Variants in HHATL observed in about 807,000 individuals in gnomAD.
HHATL encodes protein-cysteine N-palmitoyltransferase HHAT-like protein.
Under a neutral mutation model 59.7 loss-of-function variants are expected in HHATL, and 49 were observed. That is an observed-to-expected ratio of 0.82 (90% CI 0.65 to 1.04). HHATL has a LOEUF of 1.04. Ranked by LOEUF, HHATL falls within the 50% of genes least tolerant of loss-of-function variation. The pLI, the probability that HHATL is intolerant of heterozygous loss-of-function variation, is 0.00. For missense variants in HHATL, 605 were observed against 650.8 expected (o/e 0.93, Z 0.77); for synonymous variants, 238 against 257.3 (o/e 0.93, Z 0.72).
rs577372894 is a variant in HHATL at position 42,697,405 on chromosome 3, G to A, written c.865+103C>T. The A allele has an allele frequency of 3.1e-5, 42 of 1,334,514 alleles. No homozygotes were observed. In the South Asian group the frequency reaches 5.7e-4, roughly 18 times the overall value. The allele number at this position is 1,334,514 out of a possible 1,614,324, so 82.7% of individuals were successfully genotyped here. A position where few individuals can be genotyped will look rare whatever the true frequency, so the allele number is the denominator to read the frequency against. ...CTGCTCCCACGCCCTCAGGTGCTGT[G>A]CCCTGCGTGCCTCAGCTCCCCTGAC... is the stretch of plus-strand genomic sequence containing the variant. On this transcript the variant is annotated intron_variant, in intron 7 of 11. Coordinates refer to ENST00000441594, the MANE Select transcript of HHATL (RefSeq NM_020707.4).
intron 3 of HHATL, among the ~76,000 whole-genome samples, chr3:42,699,503 T>G (rs1697838342): frequency 6.6e-6 from 1 of 152,084 alleles, no homozygotes. Flanking sequence ...CTGCTTTGTT[T>G]CTGGGAAGGA....
chr3:42,692,814 C>G lies in HHATL; in HGVS notation c.1452G>C (p.Lys484Asn), dbSNP rs1170729593. ...CCAGTGCCAAGGTTCGCTCACGCTC[C>G]TTTACCAGCTGGACGCCACAGTAGG... ...FVTYCGVQLV[K>N]ERERTLALEE... Residue 484 changes from lysine (K) to asparagine (N), a missense_variant, in exon 12 of 12, where the codon AAG becomes AAC. Transcript: ENST00000441594. 5 of 1,614,144 alleles carry G rather than the reference C, an allele frequency of 3.1e-6. No homozygotes were observed. Among genetic ancestry groups the G allele is most frequent in the Non-Finnish European group, 3.4e-6 (4 of 1,180,060 alleles).
In HHATL at chr3:42,702,637, T is replaced by G. The variant is rs1698057478; in HGVS notation, c.-72A>C. ...CCCACCTCAGGCTCTGGGGTCCGGCTTCCAACTGTCCGTCCGTGCGACCGG... is the reference window on the plus strand; with the variant it reads ...CCCACCTCAGGCTCTGGGGTCCGGCGTCCAACTGTCCGTCCGTGCGACCGG... On this transcript the variant is annotated 5_prime_UTR_variant, in exon 1 of 12. Coordinates refer to ENST00000441594, the MANE Select transcript of HHATL (RefSeq NM_020707.4). 6.5e-6 allele frequency: 1 copy of G among 152,696 alleles called. No individual in the cohort carries two copies. Among genetic ancestry groups the G allele is most frequent in the Admixed American group, 6.5e-5 (1 of 15,298 alleles). The allele number at this position is 152,696 out of a possible 1,614,324, so 9.5% of individuals were successfully genotyped here. A position where few individuals can be genotyped will look rare whatever the true frequency, so the allele number is the denominator to read the frequency against.
chr3:42,698,183 A>C lies in HHATL; in HGVS notation c.652T>G (p.Phe218Val). The C allele has an allele frequency of 6.8e-6, 11 of 1,614,212 alleles. No homozygotes were observed. Among genetic ancestry groups the C allele is most frequent in the Admixed American group, 1.7e-5 (1 of 60,024 alleles). Residue 218 changes from phenylalanine to valine, a missense_variant, in exon 6 of 12, where the codon TTC (phenylalanine) becomes GTC (valine). Physicochemically the swap from Phe to Val is conservative, Grantham distance 50 (BLOSUM62 -1). Coordinates refer to ENST00000441594, the MANE Select transcript of HHATL (RefSeq NM_020707.4). ...LKYNFYLPFF[F>V]FGPIMTFDRF... ...TCAAAGGTCATGATGGGCCCGAAGA[A>C]GAAGAAGGGCAGGTAGAAGTTGTAC...
intron 2 of HHATL, 66 bp downstream of exon 2, chr3:42,700,655 G>A (rs1697924563): frequency 9.2e-7 from 1 of 1,091,208 alleles, no homozygotes; most frequent in Non-Finnish European, 1.4e-6. Flanking sequence ...GGCTTTGCTG[G>A]TTGGAACCCT....
intron 4 of HHATL, 58 bp downstream of exon 4, chr3:42,698,974 C>A (rs1697794020): frequency 1.2e-6 from 2 of 1,611,232 alleles, no homozygotes; most frequent in Admixed American, 3.3e-5. Context: ...GTTCCCACAA[C>A]CCTTGTGGTG....
chr3:42,698,992 A>G lies in HHATL; in HGVS notation c.288+40T>C, dbSNP rs1217268801. 4 of 1,611,828 alleles carry G rather than the reference A, an allele frequency of 2.5e-6. No homozygotes were observed. The African/African-American group carries it at 5.3e-5, about 22-fold the overall frequency. The stretch of plus-strand genomic sequence containing the variant: ...CCCACAACCCTTGTGGTGAAAGAGG[A>G]GCTGGCAGGGAGAGGCTGGGTGGCC... On this transcript the variant is annotated intron_variant, in intron 4 of 11. Coordinates refer to ENST00000441594, the MANE Select transcript of HHATL (RefSeq NM_020707.4).
chr3:42,699,467 G>A (rs755877182), intron 3 of HHATL, among the ~76,000 whole-genome samples: 5 of 151,998 alleles, frequency 3.3e-5, no homozygotes, highest in Non-Finnish European at 7.4e-5. Context: ...CCTCTCCTCC[G>A]CACGTTGCCT....
In HHATL at chr3:42,693,725, A is replaced by G; in HGVS notation, c.1140T>C (p.Leu380=). The G allele has an allele frequency of 6.2e-7, 1 of 1,614,196 alleles. No homozygotes were observed. The highest frequency in any genetic ancestry group is 8.5e-7 in the Non-Finnish European group (1 of 1,180,008). ...ACAGGTAGACAATGTCACAAGGCCC[A>G]AGCCACAGTGTGGTGATGGCAAATG... The part of the protein sequence containing the change: ...VATFAITTLW[L]GPCDIVYLWS... Residue 380 remains leucine, a synonymous_variant, in exon 10 of 12, where the codon CTT becomes CTC. Transcript: ENST00000441594.
At position 42,693,740 on chromosome 3, in the gene HHATL, G is replaced by A; in HGVS notation, c.1125C>T (p.Ile375=). The A allele has an allele frequency of 6.2e-7, 1 of 1,614,176 alleles. No individual in the cohort carries two copies. Among genetic ancestry groups the A allele is most frequent in the East Asian group, 2.2e-5 (1 of 44,878 alleles). Residue 375 remains isoleucine, a synonymous_variant, in exon 10 of 12, where the codon ATC becomes ATT. Transcript: ENST00000441594. The stretch of plus-strand genomic sequence containing the variant: ...CACAAGGCCCAAGCCACAGTGTGGT[G>A]ATGGCAAATGTGGCCACTGTGGCTG... ...ELAATVATFA[I]TTLWLGPCDI...
intron 9 of HHATL, among the ~76,000 whole-genome samples, chr3:42,696,542 G>T (rs1353326841): frequency 6.6e-6 from 1 of 152,114 alleles, no homozygotes; most frequent in Non-Finnish European, 1.5e-5. Flanking sequence ...CTCCCAGGCT[G>T]CAGACAGCAA....
chr3:42,699,819 G>T lies in HHATL; in HGVS notation c.113C>A (p.Ala38Asp). Residue 38 changes from alanine to aspartate, a missense_variant, in exon 3 of 12, where the codon GCC becomes GAC. Physicochemically the swap from Ala to Asp is moderately radical, Grantham distance 126. Coordinates refer to ENST00000441594, the MANE Select transcript of HHATL (RefSeq NM_020707.4). ...AGACTCCCGGAAGGCCTTCCTGTGGGCCCCATCTGAGAACAGAGTGTGGCC... is the reference window on the plus strand; with the variant it reads ...AGACTCCCGGAAGGCCTTCCTGTGGTCCCCATCTGAGAACAGAGTGTGGCC... The part of the protein sequence containing the change: ...RGLLEASQDG[A>D]HRKAFRESVR... The T allele has an allele frequency of 6.4e-7, 1 of 1,562,374 alleles. No individual in the cohort carries two copies. Among genetic ancestry groups the T allele is most frequent in the Non-Finnish European group, 8.7e-7 (1 of 1,152,600 alleles).
chr3:42,700,478 C>T (rs377352716), intron 2 of HHATL, among the ~76,000 whole-genome samples: 3 of 151,714 alleles, frequency 2.0e-5, no homozygotes, highest in African/African-American at 7.3e-5. Flanking sequence ...ATGTGTGTGA[C>T]TCTGTGTCCA....
intron 6 of HHATL, among the ~76,000 whole-genome samples, chr3:42,697,908 G>C (rs772583665): frequency 6.6e-6 from 1 of 152,166 alleles, no homozygotes; most frequent in Non-Finnish European, 1.5e-5. Flanking sequence ...GAACATTCGT[G>C]GCCTGGGAGT....
chr3:42,701,103 C>T lies in HHATL; in HGVS notation c.-13-264G>A, dbSNP rs902253254. On this transcript the variant is annotated intron_variant, in intron 1 of 11. Coordinates refer to ENST00000441594, the MANE Select transcript of HHATL (RefSeq NM_020707.4). The surrounding 1 kb of genome is among the most constrained non-coding windows in gnomAD (Gnocchi z 5.1). Reference sequence around the variant, plus strand: ...CGCAGAGCCCTCACTCGCAGCCTGCCTCCCTCACCTTCATTTACATCTTCA... The same window carrying T: ...CGCAGAGCCCTCACTCGCAGCCTGCTTCCCTCACCTTCATTTACATCTTCA... 2.4e-5 allele frequency: 11 copies of T among 456,398 alleles called. No individual in the cohort carries two copies. The highest frequency in any genetic ancestry group is 4.0e-5 in the Non-Finnish European group (10 of 251,222). 28.3% of individuals were successfully genotyped at this position (456,398 alleles called of 1,614,324 possible). A position where few individuals can be genotyped will look rare whatever the true frequency, so the allele number is the denominator to read the frequency against.
At chr3:42,699,887 G>T in intron 2 of HHATL, 62 bp from the exon 3 acceptor site, 1 of 1,419,560 alleles carries the variant, frequency 7.0e-7, no homozygotes, top group Non-Finnish European at 9.7e-7. Flanking sequence ...ACCTTCCCCC[G>T]TGGACAAGGC....
In HHATL at chr3:42,692,823, C is replaced by G. The variant is rs1188237221; in HGVS notation, c.1443G>C (p.Gln481His). 6.2e-7 allele frequency: 1 copy of G among 1,614,242 alleles called. No individual in the cohort carries two copies. The highest frequency in any genetic ancestry group is 1.7e-5 in the Admixed American group (1 of 60,026). ...SILFVTYCGV[Q>H]LVKERERTLA... ...AGGTTCGCTCACGCTCCTTTACCAG[C>G]TGGACGCCACAGTAGGTGACAAACA... The change falls in exon 12 of 12, where the codon CAG becomes CAC. Residue 481 changes from glutamine to histidine, a missense_variant. By Grantham distance (24) the Gln-to-His change is conservative. Coordinates refer to ENST00000441594, the MANE Select transcript of HHATL (RefSeq NM_020707.4).
chr3:42,692,692 T>G lies in HHATL; in HGVS notation c.*59A>C. On this transcript the variant is annotated 3_prime_UTR_variant, in exon 12 of 12. Coordinates refer to ENST00000441594, the MANE Select transcript of HHATL (RefSeq NM_020707.4). ...GTAGAAAAGTCTTTTATTCTATCGG[T>G]CAGGCCCCATCTGGCCCAAGAATAG... The G allele has an allele frequency of 6.2e-7, 1 of 1,612,976 alleles. No homozygotes were observed. Among genetic ancestry groups the G allele is most frequent in the Non-Finnish European group, 8.5e-7 (1 of 1,179,310 alleles).
intron 9 of HHATL, among the ~76,000 whole-genome samples, chr3:42,696,089 T>C (rs1003659460): frequency 6.6e-6 from 1 of 152,154 alleles, no homozygotes; most frequent in Non-Finnish European, 1.5e-5. Context: ...AAAACCTCCA[T>C]GTCACCAGCA....
Sources: gnomAD v4.1 joint callset for allele counts (sites outside exome capture counted in the v4.1 genomes callset) on GRCh38, gnomAD v4.1.1 for gene constraint, Gnocchi (gnomAD v3.1) non-coding constraint, MANE v1.5 for transcripts, NCBI Gene and HGNC (gene_info 2026-07-23, HGNC 2026-07-21) for gene names.